Variants in PDE10A observed in about 807,000 individuals in gnomAD.
The protein encoded by PDE10A is phosphodiesterase 10A, also known as cAMP and cAMP-inhibited cGMP 3',5'-cyclic phosphodiesterase 10A.
In PDE10A, 39 loss-of-function variants were observed where a neutral mutation model predicts 97.7. That is an observed-to-expected ratio of 0.40 (90% CI 0.31 to 0.52). PDE10A has a LOEUF of 0.52. Ranked by LOEUF, PDE10A falls within the 20% of genes least tolerant of loss-of-function variation. PDE10A has a pLI of 0.56. For missense variants in PDE10A, 731 were observed against 1,047.8 expected (o/e 0.70, Z 4.17); for synonymous variants, 371 against 376.8 (o/e 0.98, Z 0.18).
intron 3 of PDE10A, among the ~76,000 whole-genome samples, chr6:165,475,457 C>T (rs1004736578): frequency 3.3e-5 from 5 of 152,094 alleles, no homozygotes; most frequent in Non-Finnish European, 5.9e-5. Context: ...AGTGAAGAAA[C>T]GAGGTGACTT....
intron 6 of PDE10A, among the ~76,000 whole-genome samples, chr6:165,434,837 A>G (rs1270469703): frequency 6.6e-6 from 1 of 152,234 alleles, no homozygotes; most frequent in East Asian, 1.9e-4. Flanking sequence ...CCCAGTCCTT[A>G]GATTCATAAG....
chr6:165,807,232 G>C (rs1562746605), intron 1 of PDE10A, among the ~76,000 whole-genome samples: 2 of 148,298 alleles, frequency 1.3e-5, no homozygotes, highest in Middle Eastern at 3.5e-3. Context: ...CAGATAAGCA[G>C]ATGTGGACAC....
At chr6:165,798,986 G>A (rs1457295835) in intron 1 of PDE10A, among the ~76,000 whole-genome samples, 1 of 152,162 alleles carries the variant, frequency 6.6e-6, no homozygotes, top group Non-Finnish European at 1.5e-5. Flanking sequence ...GGGATTATAG[G>A]CGTGAGTCAC....
chr6:165,557,692 AT>A (rs1784324852), intron 1 of PDE10A, among the ~76,000 whole-genome samples: 1 of 152,168 alleles, frequency 6.6e-6, no homozygotes, highest in South Asian at 2.1e-4. Context: ...TCACCCAAGA[AT>A]TTTTTTAGAC....
At chr6:165,395,552 A>G (rs917962646) in intron 14 of PDE10A, among the ~76,000 whole-genome samples, 1 of 152,202 alleles carries the variant, frequency 6.6e-6, no homozygotes, top group Non-Finnish European at 1.5e-5. Context: ...ACAAAAAGGT[A>G]TATTACAAAT....
rs1206314192 is a variant in PDE10A at position 165,388,709 on chromosome 6, C to A, written c.2455-256G>T. ...AGTCAAATTATTTTTGAGTTTCTCTCTCAACTCTAGGAAAAGGTGCAGGAG... is the reference window on the plus strand; with the variant it reads ...AGTCAAATTATTTTTGAGTTTCTCTATCAACTCTAGGAAAAGGTGCAGGAG... On this transcript the variant is annotated intron_variant, in intron 16 of 21. Transcript: ENST00000539869. This position sits in a 1 kb window ranked among gnomAD's most constrained non-coding sequence, Gnocchi z 4.0. Among the ~76,000 whole-genome samples the A allele has an allele frequency of 6.6e-6, 1 of 152,114 alleles. No individual in the cohort carries two copies. Among genetic ancestry groups the A allele is most frequent in the Admixed American group, 6.5e-5 (1 of 15,280 alleles).
At chr6:165,448,709 AACACACACACAC>A (rs10645551) in intron 5 of PDE10A, among the ~76,000 whole-genome samples, 5 of 147,396 alleles carry the variant, frequency 3.4e-5, no homozygotes, top group African/African-American at 1.3e-4. Context: ...AGCCAAAGGA[AACACACACACAC>A]ACACACACAC....
chr6:165,364,078 G>C (rs1364203872), intron 18 of PDE10A, among the ~76,000 whole-genome samples: 1 of 152,176 alleles, frequency 6.6e-6, no homozygotes, highest in East Asian at 1.9e-4. Flanking sequence ...AGAGAGGAAG[G>C]AAGGATCAGT....
chr6:165,393,549 G>A (rs1785890710), intron 15 of PDE10A, among the ~76,000 whole-genome samples: 1 of 151,866 alleles, frequency 6.6e-6, no homozygotes, highest in African/African-American at 2.4e-5. Flanking sequence ...AAAGTAACCT[G>A]TGTTTTTCTC....
chr6:165,789,869 T>C (rs1778601764), intron 1 of PDE10A, among the ~76,000 whole-genome samples: 1 of 152,210 alleles, frequency 6.6e-6, no homozygotes, highest in African/African-American at 2.4e-5. Flanking sequence ...ACTATAATAT[T>C]GATAGTTTGA....
intron 2 of PDE10A, among the ~76,000 whole-genome samples, chr6:165,502,272 T>G (rs1259934144): frequency 2.0e-5 from 3 of 152,196 alleles, no homozygotes; most frequent in Non-Finnish European, 4.4e-5. Flanking sequence ...GAACAGACTT[T>G]ATCAAATTTA....
At chr6:165,866,676 AC>A (rs66681671) in intron 1 of PDE10A, among the ~76,000 whole-genome samples, 33,048 of 111,244 alleles carry the variant, frequency 0.3, 4,005 homozygotes, top group Admixed American at 0.38. Context: ...CAAAAAAACA[AC>A]AAAAAAGAGT....
intron 18 of PDE10A, among the ~76,000 whole-genome samples, chr6:165,368,919 A>T (rs974584017): frequency 1.2e-4 from 19 of 152,218 alleles, no homozygotes; most frequent in African/African-American, 4.6e-4. Flanking sequence ...TTCGCGGTTC[A>T]CGAAAATCCA....
At chr6:165,825,035 G>C (rs1322605974) in intron 1 of PDE10A, among the ~76,000 whole-genome samples, 1 of 148,998 alleles carries the variant, frequency 6.7e-6, no homozygotes, top group African/African-American at 2.5e-5. Flanking sequence ...TGTAATCTCA[G>C]CTACTCGGGA....
intron 1 of PDE10A, among the ~76,000 whole-genome samples, chr6:165,603,573 C>A (rs1019216637): frequency 6.6e-6 from 1 of 152,162 alleles, no homozygotes; most frequent in Non-Finnish European, 1.5e-5. Flanking sequence ...CCTGAGGTAC[C>A]TTTAAGTCTC....
chr6:165,609,340 GT>G (rs1308873957), intron 1 of PDE10A, among the ~76,000 whole-genome samples: 1 of 152,122 alleles, frequency 6.6e-6, no homozygotes. Context: ...AATAAATTAG[GT>G]ACTGATGGGA....
At chr6:165,784,222 CA>C (rs796915265) in intron 1 of PDE10A, among the ~76,000 whole-genome samples, 222 of 116,522 alleles carry the variant, frequency 1.9e-3, no homozygotes, top group Admixed American at 2.2e-3. Context: ...GACTCCATCT[CA>C]AAAAAAAAAA....
chr6:165,960,977 G>A (rs12529396), intron 1 of PDE10A, among the ~76,000 whole-genome samples: 7,040 of 152,220 alleles, frequency 0.046, 219 homozygotes, highest in Non-Finnish European at 0.069. Flanking sequence ...GGGAGGAAGC[G>A]TTGCCGGGGA....
At chr6:165,572,411 C>T (rs1785091561) in intron 1 of PDE10A, among the ~76,000 whole-genome samples, 1 of 152,156 alleles carries the variant, frequency 6.6e-6, no homozygotes, top group South Asian at 2.1e-4. Flanking sequence ...AAAATATCAG[C>T]TCTTATTACC....
Sources: allele counts gnomAD v4.1 joint callset (sites outside exome capture counted in the v4.1 genomes callset), GRCh38; gene constraint gnomAD v4.1.1; non-coding constraint Gnocchi (gnomAD v3.1); transcripts MANE v1.5; gene names NCBI Gene and HGNC (gene_info 2026-07-23, HGNC 2026-07-21).